Variants in PARPBP observed in about 807,000 individuals in gnomAD.
PARPBP encodes the protein PCNA-interacting partner.
A neutral mutation model predicts 50.0 loss-of-function variants in PARPBP; 52 were observed. That is an observed-to-expected ratio of 1.04 (90% confidence interval 0.83 to 1.31). The LOEUF is 1.31. Ranked by LOEUF, PARPBP falls within the 50% of genes most tolerant of loss-of-function variation. The pLI is 0.00. For synonymous variants in PARPBP, 244 were observed against 232.1 expected, an observed-to-expected ratio of 1.05 and a Z score of -0.47; for missense variants, 697 against 672.0, an observed-to-expected ratio of 1.04 and a Z score of -0.41.
intron 3 of PARPBP, among the ~76,000 whole-genome samples, chr12:102,153,325 C>T (rs1051752059): frequency 6.6e-6 from 1 of 152,180 alleles, no homozygotes; most frequent in African/African-American, 2.4e-5. Context: ...CTGTCTCCCA[C>T]GTGGCATGGC....
intron 2 of PARPBP, among the ~76,000 whole-genome samples, chr12:102,146,922 C>A (rs1184672439): frequency 1.3e-5 from 2 of 152,140 alleles, no homozygotes; most frequent in African/African-American, 4.8e-5. Flanking sequence ...TGAACAGACA[C>A]TTCTCAAAAG....
At chr12:102,194,024 CACAG>C (rs1891037979) in intron 9 of PARPBP, among the ~76,000 whole-genome samples, 1 of 151,980 alleles carries the variant, frequency 6.6e-6, no homozygotes, top group South Asian at 2.1e-4. Flanking sequence ...TGGAGACTGT[CACAG>C]ACCTCATTAG....
At chr12:102,166,059 C>A (rs1888112054) in intron 6 of PARPBP, among the ~76,000 whole-genome samples, 176 bp downstream of exon 6, 1 of 152,080 alleles carries the variant, frequency 6.6e-6, no homozygotes, top group African/African-American at 2.4e-5. Context: ...AAATTTCTGC[C>A]TGTGATTCTG....
Position 102,122,312 on chromosome 12 carries a change from T to C in PARPBP, c.-3-1574T>C, listed in dbSNP as rs182612419. 4.1e-3 allele frequency among the ~76,000 whole-genome samples: 618 copies of C among 152,356 alleles called. 5 individuals are homozygous for C. Among genetic ancestry groups the C allele is most frequent in the African/African-American group, 0.013 (531 of 41,582 alleles). ...GATTTGCATTTATGTAAATAATTAA[T>C]CTCTAATCTTCTACCTGTATCTTTA... is the stretch of plus-strand genomic sequence containing the variant. On this transcript the variant is annotated intron_variant, in intron 1 of 10. Transcript: ENST00000327680.
chr12:102,191,242 G>T (rs559152936), intron 9 of PARPBP, among the ~76,000 whole-genome samples: 1 of 152,078 alleles, frequency 6.6e-6, no homozygotes, highest in Non-Finnish European at 1.5e-5. Flanking sequence ...TTAAATAAAG[G>T]CATGACAATT....
chr12:102,158,836 A>C (rs1270240327), intron 4 of PARPBP, among the ~76,000 whole-genome samples: 1 of 152,180 alleles, frequency 6.6e-6, no homozygotes, highest in Non-Finnish European at 1.5e-5. Context: ...ATATGTGAAA[A>C]GAATTAAGCT....
At chr12:102,160,881 G>C (rs1213698377) in intron 4 of PARPBP, among the ~76,000 whole-genome samples, 1 of 152,002 alleles carries the variant, frequency 6.6e-6, no homozygotes, top group African/African-American at 2.4e-5. Context: ...TTGGGAGGCT[G>C]AGGTTGTGGT....
intron 4 of PARPBP, among the ~76,000 whole-genome samples, chr12:102,157,283 C>A (rs1169098244): frequency 6.6e-6 from 1 of 152,004 alleles, no homozygotes; most frequent in African/African-American, 2.4e-5. Flanking sequence ...AATTCTTTAG[C>A]GTACATTTCC....
At chr12:102,169,276 TA>T (rs1888454026) in intron 6 of PARPBP, among the ~76,000 whole-genome samples, 1 of 152,206 alleles carries the variant, frequency 6.6e-6, no homozygotes, top group Non-Finnish European at 1.5e-5. Context: ...ATTTTCCACC[TA>T]CCTCTTCTAC....
intron 1 of PARPBP, among the ~76,000 whole-genome samples, chr12:102,121,545 CTT>C (rs35855638): frequency 0.073 from 6,320 of 86,866 alleles, 203 homozygotes; most frequent in Non-Finnish European, 0.1. Flanking sequence ...TAGTAATGCT[CTT>C]TTTTTTTTTT....
At chr12:102,154,090 A>G in intron 4 of PARPBP, 114 bp downstream of exon 4, 1 of 626,328 alleles carries the variant, frequency 1.6e-6, no homozygotes. Context: ...ACAAATCTTT[A>G]GTATGTTTAA....
chr12:102,151,636 C>G (rs1886219949), intron 3 of PARPBP: 1 of 1,535,626 alleles, frequency 6.5e-7, no homozygotes. Context: ...TCTCTTGGCT[C>G]CTGGGGAAGA....
At chr12:102,169,754 C>T (rs1249506652) in intron 6 of PARPBP, among the ~76,000 whole-genome samples, 1 of 152,024 alleles carries the variant, frequency 6.6e-6, no homozygotes, top group Non-Finnish European at 1.5e-5. Flanking sequence ...ATGTTACTCC[C>T]ATAATTAAAA....
chr12:102,168,190 A>T (rs2136321777), intron 6 of PARPBP, among the ~76,000 whole-genome samples: 1 of 152,166 alleles, frequency 6.6e-6, no homozygotes, highest in South Asian at 2.1e-4. Context: ...ATTTTAGTGA[A>T]GTTTTGGAAA....
chr12:102,151,851 G>C, intron 3 of PARPBP: 1 of 1,325,458 alleles, frequency 7.5e-7, no homozygotes, highest in Non-Finnish European at 1.0e-6. Context: ...AAGCCACCTG[G>C]CACCAACTCA....
intron 7 of PARPBP, among the ~76,000 whole-genome samples, chr12:102,177,448 C>G (rs1889388582): frequency 6.6e-6 from 1 of 152,132 alleles, no homozygotes; most frequent in Non-Finnish European, 1.5e-5. Flanking sequence ...CAAATCCAGC[C>G]AGAAATGCCT....
intron 2 of PARPBP, among the ~76,000 whole-genome samples, chr12:102,135,124 C>T (rs1254685935): frequency 6.6e-6 from 1 of 151,972 alleles, no homozygotes; most frequent in Non-Finnish European, 1.5e-5. Flanking sequence ...TAAGGCAGAT[C>T]AACAGGAGAA....
At position 102,165,120 on chromosome 12, in the gene PARPBP, A is replaced by G. The variant is rs747955634; in HGVS notation, c.666+512A>G. On this transcript the variant is annotated intron_variant, in intron 5 of 10. Coordinates refer to ENST00000327680, the MANE Select transcript of PARPBP (RefSeq NM_017915.5). ...ACAGGATTTGTCTTTCTTAGAATGT[A>G]CCTTGGAACATTTCATGTTTGATTG... Among the ~76,000 whole-genome samples the G allele has an allele frequency of 7.9e-5, 12 of 152,292 alleles. 1 individual carries two copies. Among genetic ancestry groups the G allele is most frequent in the South Asian group, 2.1e-4 (1 of 4,832 alleles).
At chr12:102,160,898 A>C (rs1887503535) in intron 4 of PARPBP, among the ~76,000 whole-genome samples, 1 of 151,994 alleles carries the variant, frequency 6.6e-6, no homozygotes, top group Non-Finnish European at 1.5e-5. Context: ...TGGTGAGCCG[A>C]GATCGTGTCA....
Sources: gnomAD v4.1 joint callset for allele counts (sites outside exome capture counted in the v4.1 genomes callset) on GRCh38, gnomAD v4.1.1 for gene constraint, MANE v1.5 for transcripts, NCBI Gene and HGNC (gene_info 2026-07-23, HGNC 2026-07-21) for gene names.